The following ASAP1 variants were observed in gnomAD, a reference collection of about 807,000 sequenced individuals.
The protein encoded by ASAP1 is arf-GAP with SH3 domain, ANK repeat and PH domain-containing protein 1.
ASAP1 carries 43 observed loss-of-function variants against 145.2 expected under a neutral mutation model. That is an observed-to-expected ratio of 0.30 (90% CI 0.23 to 0.38). ASAP1 has a LOEUF of 0.38. Ranked by LOEUF, ASAP1 falls within the 10% of genes least tolerant of loss-of-function variation. ASAP1 has a pLI of 1.00. For missense variants in ASAP1, 1,018 were observed against 1,355.3 expected (o/e 0.75, Z 3.91); for synonymous variants, 546 against 515.5 (o/e 1.06, Z -0.80).
At chr8:130,440,611 G>A (rs113435769) in intron 1 of ASAP1, among the ~76,000 whole-genome samples, 2,805 of 151,782 alleles carry the variant, frequency 0.018, 81 homozygotes, top group African/African-American at 0.065. Context: ...GCTTAGAATC[G>A]GCTGTGTGAT....
chr8:130,153,725 G>A lies in ASAP1; in HGVS notation c.1011-920C>T, dbSNP rs1337291897. The stretch of plus-strand genomic sequence containing the variant: ...TAGAAACAATAATAATCTAACAGCA[G>A]GAGACTCAATAAATGAATGACAGGT... On this transcript the variant is annotated intron_variant, in intron 12 of 29. Transcript: ENST00000518721. 4.6e-5 allele frequency among the ~76,000 whole-genome samples: 7 copies of A among 152,078 alleles called. No homozygotes were observed. The East Asian group carries it at 1.2e-3, about 25-fold the overall frequency.
chr8:130,141,599 G>A lies in ASAP1; in HGVS notation c.1081-4561C>T, dbSNP rs75589792. ...CATTAAAATGTGCTTGGCACACATC[G>A]GGTACTAGCAAGATCATGGCTCATG... On this transcript the variant is annotated intron_variant, in intron 13 of 29. Coordinates refer to ENST00000518721, the MANE Select transcript of ASAP1 (RefSeq NM_018482.4). 3.3e-3 allele frequency among the ~76,000 whole-genome samples: 505 copies of A among 152,206 alleles called. 2 individuals are homozygous for A. The highest frequency in any genetic ancestry group is 0.011 in the African/African-American group (477 of 41,518).
chr8:130,241,299 C>T (rs561825555), intron 3 of ASAP1, among the ~76,000 whole-genome samples: 1 of 152,218 alleles, frequency 6.6e-6, no homozygotes, highest in Non-Finnish European at 1.5e-5. Context: ...CTCAAATGCA[C>T]GTCATGCCAG....
In ASAP1 at chr8:130,300,153, C is replaced by CAGAGAGAGAGAGAGAGAGAG. The variant is rs369720584; in HGVS notation, c.186+57844_186+57863dup. On this transcript the variant is annotated intron_variant, in intron 3 of 29. Transcript: ENST00000518721. ...ACACACACACACACACACACACACA[C>CAGAGAGAGAGAGAGAGAGAG]AGAGAGAGAGAGAGAGAGAGAGAGA... is the stretch of plus-strand genomic sequence containing the variant. Among the ~76,000 whole-genome samples the CAGAGAGAGAGAGAGAGAGAG allele has an allele frequency of 7.8e-4, 60 of 76,916 alleles. 1 individual carries two copies. The highest frequency in any genetic ancestry group is 1.4e-3 in the African/African-American group (25 of 18,492). 50.5% of individuals were successfully genotyped at this position (76,916 alleles called of 152,430 possible).
At chr8:130,095,622 CTTTTTT>C (rs141561036) in intron 24 of ASAP1, among the ~76,000 whole-genome samples, 17 of 129,968 alleles carry the variant, frequency 1.3e-4, no homozygotes, top group Non-Finnish European at 2.5e-4. Context: ...ATTCTTTTGT[CTTTTTT>C]TTTTTTTTGA....
intron 3 of ASAP1, among the ~76,000 whole-genome samples, chr8:130,312,905 A>T (rs2137561070): frequency 6.6e-6 from 1 of 152,360 alleles, no homozygotes; most frequent in South Asian, 2.1e-4. Context: ...TGAGAAAGAC[A>T]TCAAATGAAG....
chr8:130,211,407 T>C (rs1183173451), intron 5 of ASAP1, among the ~76,000 whole-genome samples: 1 of 152,204 alleles, frequency 6.6e-6, no homozygotes, highest in Non-Finnish European at 1.5e-5. Context: ...GTACTTTCTA[T>C]AATCACAGAC....
chr8:130,285,691 A>G (rs979793074), intron 3 of ASAP1, among the ~76,000 whole-genome samples: 1 of 152,194 alleles, frequency 6.6e-6, no homozygotes, highest in African/African-American at 2.4e-5. Flanking sequence ...CCTGGCATTC[A>G]AATTTAGCTG....
chr8:130,076,865 T>G (rs1227621193), intron 26 of ASAP1, among the ~76,000 whole-genome samples: 4 of 152,160 alleles, frequency 2.6e-5, no homozygotes, highest in African/African-American at 7.2e-5. Context: ...CATATTTCAG[T>G]TTGCCTGGCT....
chr8:130,120,315 A>C (rs1405965011), intron 18 of ASAP1, among the ~76,000 whole-genome samples: 1 of 152,240 alleles, frequency 6.6e-6, no homozygotes, highest in African/African-American at 2.4e-5. Context: ...GTGTTGATGG[A>C]TGGAGCAGCA....
At chr8:130,098,587 A>T (rs2097523128) in intron 24 of ASAP1, among the ~76,000 whole-genome samples, 1 of 152,082 alleles carries the variant, frequency 6.6e-6, no homozygotes, top group Non-Finnish European at 1.5e-5. Flanking sequence ...TGATCTCATG[A>T]TCCGCCCGCC....
At chr8:130,122,673 G>C (rs1471327489) in intron 18 of ASAP1, among the ~76,000 whole-genome samples, 2 of 152,200 alleles carry the variant, frequency 1.3e-5, no homozygotes, top group Non-Finnish European at 2.9e-5. Flanking sequence ...GCAGAGCTAT[G>C]ATATGAACTC....
At chr8:130,063,858 G>T (rs1192007301) in intron 27 of ASAP1, among the ~76,000 whole-genome samples, 4 of 152,154 alleles carry the variant, frequency 2.6e-5, no homozygotes, top group African/African-American at 9.7e-5. Flanking sequence ...AAAGAACTAG[G>T]GCCCTGCCTG....
At chr8:130,080,446 A>G (rs2097476478) in intron 25 of ASAP1, among the ~76,000 whole-genome samples, 1 of 150,594 alleles carries the variant, frequency 6.6e-6, no homozygotes, top group African/African-American at 2.4e-5. Flanking sequence ...CCAGGCCCTC[A>G]GGCACTTACT....
intron 3 of ASAP1, 30 bp downstream of exon 3, chr8:130,357,987 G>C: frequency 6.3e-7 from 1 of 1,589,034 alleles, no homozygotes; most frequent in Non-Finnish European, 8.5e-7. Context: ...AGCGGCGAGC[G>C]TGGACGGCGG....
At chr8:130,321,574 C>T (rs114704550) in intron 3 of ASAP1, among the ~76,000 whole-genome samples, 91 of 152,054 alleles carry the variant, frequency 6.0e-4, no homozygotes, top group African/African-American at 2.0e-3. Flanking sequence ...CATCCTAAAG[C>T]ACTCACTACT....
intron 3 of ASAP1, among the ~76,000 whole-genome samples, chr8:130,239,617 T>C (rs564977643): frequency 1.3e-5 from 2 of 152,244 alleles, no homozygotes; most frequent in South Asian, 4.1e-4. Context: ...GTTTTAAAAA[T>C]ATATAAGACA....
rs1826470083 is a variant in ASAP1 at position 130,358,254 on chromosome 8, C to T, written c.60-111G>A. 1.2e-6 allele frequency: 1 copy of T among 826,366 alleles called. No homozygotes were observed. Among genetic ancestry groups the T allele is most frequent in the East Asian group, 5.9e-5 (1 of 17,084 alleles). The allele number at this position is 826,366 out of a possible 1,614,324, so 51.2% of individuals were successfully genotyped here. Reference sequence around the variant, plus strand: ...GAACCCCGGCGCGCAGCCCGCCACCCGCCGCCCGGCCTGGCGCGCGGCTCC... The same window carrying T: ...GAACCCCGGCGCGCAGCCCGCCACCTGCCGCCCGGCCTGGCGCGCGGCTCC... On this transcript the variant is annotated intron_variant, in intron 2 of 29. Coordinates refer to ENST00000518721, the MANE Select transcript of ASAP1 (RefSeq NM_018482.4). This position sits in a 1 kb window ranked among gnomAD's most constrained non-coding sequence, Gnocchi z 4.1.
chr8:130,179,422 G>A, intron 8 of ASAP1, 73 bp from the exon 9 acceptor site: 1 of 880,548 alleles, frequency 1.1e-6, no homozygotes, highest in Non-Finnish European at 1.9e-6. Flanking sequence ...TCAGGTGGCT[G>A]AACATCACCC....
Sources: allele counts gnomAD v4.1 joint callset (sites outside exome capture counted in the v4.1 genomes callset), GRCh38; gene constraint gnomAD v4.1.1; non-coding constraint Gnocchi (gnomAD v3.1); transcripts MANE v1.5; gene names NCBI Gene and HGNC (gene_info 2026-07-23, HGNC 2026-07-21).